The following NR3C2 variants were observed in gnomAD, a reference collection of about 807,000 sequenced individuals.
NR3C2 encodes nuclear receptor subfamily 3 group C member 2.
Under a neutral mutation model 86.4 loss-of-function variants are expected in NR3C2, and 15 were observed. The ratio of observed to expected loss-of-function variants is 0.17; its 90% CI spans 0.12 to 0.27. The LOEUF (loss-of-function observed/expected upper bound fraction) is 0.27. Among genes scored for constraint, NR3C2 ranks in the 10% least tolerant of loss-of-function variants. NR3C2 has a pLI of 1.00. For missense variants in NR3C2, 960 were observed against 1,195.6 expected (o/e 0.80, Z 2.91); for synonymous variants, 458 against 450.5 (o/e 1.02, Z -0.21).
intron 3 of NR3C2, among the ~76,000 whole-genome samples, chr4:148,256,387 C>T (rs1047819911): frequency 2.6e-5 from 4 of 152,146 alleles, no homozygotes; most frequent in African/African-American, 9.7e-5. Flanking sequence ...ACGTGAACAT[C>T]ACCAGGAACT....
intron 2 of NR3C2, among the ~76,000 whole-genome samples, chr4:148,391,144 T>C (rs1747527295): frequency 6.6e-6 from 1 of 152,212 alleles, no homozygotes; most frequent in Non-Finnish European, 1.5e-5. Context: ...AAGACCTAAA[T>C]AATATCCCAC....
At chr4:148,393,352 C>T (rs1747689662) in intron 2 of NR3C2, among the ~76,000 whole-genome samples, 1 of 152,178 alleles carries the variant, frequency 6.6e-6, no homozygotes. Flanking sequence ...TGTGAAAATG[C>T]TTACACCCAA....
intron 8 of NR3C2, among the ~76,000 whole-genome samples, chr4:148,107,059 C>T (rs1352917551): frequency 6.6e-6 from 1 of 152,142 alleles, no homozygotes; most frequent in Non-Finnish European, 1.5e-5. Flanking sequence ...AAACTATTAT[C>T]AGACTGAACA....
At chr4:148,437,786 T>C (rs564906723) in intron 1 of NR3C2, among the ~76,000 whole-genome samples, 3 of 152,156 alleles carry the variant, frequency 2.0e-5, no homozygotes, top group Non-Finnish European at 4.4e-5. Context: ...TGCTACACCC[T>C]TGGCCTTAGA....
intron 2 of NR3C2, among the ~76,000 whole-genome samples, chr4:148,351,451 C>T (rs1445432086): frequency 6.6e-6 from 1 of 152,122 alleles, no homozygotes; most frequent in Non-Finnish European, 1.5e-5. Context: ...CCTAATTTGT[C>T]TTTTCTAATA....
At chr4:148,117,071 G>A (rs570458305) in intron 7 of NR3C2, among the ~76,000 whole-genome samples, 19 of 152,316 alleles carry the variant, frequency 1.2e-4, no homozygotes, top group African/African-American at 4.6e-4. Flanking sequence ...AGGAACAACA[G>A]AAACCTTGGT....
At chr4:148,347,560 T>C (rs1334938231) in intron 2 of NR3C2, among the ~76,000 whole-genome samples, 2 of 152,120 alleles carry the variant, frequency 1.3e-5, no homozygotes, top group Non-Finnish European at 2.9e-5. Context: ...CCATACCCAA[T>C]AAAATCAGTG....
chr4:148,288,424 C>T (rs1741637659), intron 2 of NR3C2, among the ~76,000 whole-genome samples: 3 of 152,204 alleles, frequency 2.0e-5, no homozygotes, highest in African/African-American at 7.2e-5. Flanking sequence ...GGTGGAAAAC[C>T]CACATAATGC....
At chr4:148,091,856 G>A (rs1397039044) in intron 8 of NR3C2, among the ~76,000 whole-genome samples, 4 of 152,208 alleles carry the variant, frequency 2.6e-5, no homozygotes, top group Non-Finnish European at 5.9e-5. Flanking sequence ...TCTGGGCAGG[G>A]TAGGAGCCAG....
chr4:148,186,138 G>A (rs1735877846), intron 4 of NR3C2, among the ~76,000 whole-genome samples: 1 of 152,060 alleles, frequency 6.6e-6, no homozygotes, highest in Admixed American at 6.5e-5. Flanking sequence ...ATCAAACAGT[G>A]TCATAAAAAT....
At chr4:148,081,565 C>T in intron 8 of NR3C2, 66 bp from the exon 9 acceptor site, 3 of 1,608,866 alleles carry the variant, frequency 1.9e-6, no homozygotes, top group African/African-American at 1.3e-5. Flanking sequence ...CCTCTGCCTT[C>T]TGACTTTGGT....
chr4:148,094,149 G>A (rs1363626777), intron 8 of NR3C2, among the ~76,000 whole-genome samples: 1 of 152,090 alleles, frequency 6.6e-6, no homozygotes, highest in African/African-American at 2.4e-5. Flanking sequence ...CAATGAGATA[G>A]CATTTCACAC....
chr4:148,394,513 C>A (rs1481761055), intron 2 of NR3C2, among the ~76,000 whole-genome samples: 1 of 135,960 alleles, frequency 7.4e-6, no homozygotes, highest in Non-Finnish European at 1.6e-5. Flanking sequence ...AACCCCAACT[C>A]TACTCAAAAA....
At chr4:148,302,846 CAA>C (rs35574035) in intron 2 of NR3C2, among the ~76,000 whole-genome samples, 86 of 88,520 alleles carry the variant, frequency 9.7e-4, no homozygotes, top group Middle Eastern at 5.5e-3. Flanking sequence ...AACTCCGTCT[CAA>C]AAAAAAAAAA....
chr4:148,418,022 T>C (rs1213706646), intron 2 of NR3C2, among the ~76,000 whole-genome samples: 1 of 152,170 alleles, frequency 6.6e-6, no homozygotes, highest in Non-Finnish European at 1.5e-5. Context: ...TTTTGAGTTG[T>C]ATGCCAAGTA....
chr4:148,340,494 C>G (rs1186395615), intron 2 of NR3C2, among the ~76,000 whole-genome samples: 1 of 152,032 alleles, frequency 6.6e-6, no homozygotes, highest in Non-Finnish European at 1.5e-5. Flanking sequence ...TTAAATTGAA[C>G]TAACAACTTA....
intron 6 of NR3C2, among the ~76,000 whole-genome samples, chr4:148,136,880 G>A (rs1478297080): frequency 2.0e-5 from 3 of 152,106 alleles, no homozygotes; most frequent in Admixed American, 2.0e-4. Flanking sequence ...GGTCTTACTT[G>A]TCCAGTAACT....
intron 2 of NR3C2, among the ~76,000 whole-genome samples, chr4:148,317,798 CTA>C (rs1743277728): frequency 7.9e-6 from 1 of 126,908 alleles, no homozygotes; most frequent in Non-Finnish European, 1.6e-5. Flanking sequence ...GAAATTAAGT[CTA>C]TCTCATTTTT....
chr4:148,354,900 A>C (rs1406892301), intron 2 of NR3C2, among the ~76,000 whole-genome samples: 1 of 152,214 alleles, frequency 6.6e-6, no homozygotes, highest in East Asian at 1.9e-4. Flanking sequence ...AATTAGAACA[A>C]AAACATTATA....
Sources: gnomAD v4.1 joint callset for allele counts (sites outside exome capture counted in the v4.1 genomes callset) on GRCh38, gnomAD v4.1.1 for gene constraint, MANE v1.5 for transcripts, NCBI Gene and HGNC (gene_info 2026-07-23, HGNC 2026-07-21) for gene names.